Variants in ZNF648 observed in about 807,000 individuals in gnomAD.
ZNF648 encodes zinc finger protein 648.
A neutral mutation model predicts 0.3 loss-of-function variants in ZNF648; 1 was observed. The observed-to-expected ratio is 3.90, with a 90% CI of 1.39 to 18.51. The LOEUF is 18.51. Ranked by LOEUF, ZNF648 falls within the 30% of genes most tolerant of loss-of-function variation. The pLI, the probability that ZNF648 is intolerant of heterozygous loss-of-function variation, is 0.11. For synonymous variants in ZNF648, 376 were observed against 326.8 expected (o/e 1.15, Z -1.62); for missense variants, 874 against 769.7 (o/e 1.14, Z -1.60).
chr1:182,059,125 G>A (rs1329266025), intron 1 of ZNF648, among the ~76,000 whole-genome samples: 6 of 152,204 alleles, frequency 3.9e-5, no homozygotes, highest in Middle Eastern at 3.4e-3. Flanking sequence ...CCTGCCAGTC[G>A]CATTTGTTTT....
Position 182,056,337 on chromosome 1 carries a change from C to T in ZNF648, c.1674G>A (p.Lys558=). The T allele has an allele frequency of 6.2e-7, 1 of 1,613,616 alleles. No individual in the cohort carries two copies. The highest frequency in any genetic ancestry group is 8.5e-7 in the Non-Finnish European group (1 of 1,179,722). The change falls in exon 2 of 2, where the codon AAG becomes AAA. Residue 558 remains lysine (K), a synonymous_variant. Transcript: ENST00000339948. Reference sequence around the variant, plus strand: ...CAGAGGAGGAAGGGATGGGCTCCTTCTTGCAGGTGCCGTGCTTGGCTCGGT... The same window carrying T: ...CAGAGGAGGAAGGGATGGGCTCCTTTTTGCAGGTGCCGTGCTTGGCTCGGT... ...QRHRAKHGTC[K]KEPIPSSSDE
At chr1:182,066,183 G>A (rs1311274578), upstream of ZNF648, among the ~76,000 whole-genome samples, 8 of 152,224 alleles carry the variant, frequency 5.3e-5, no homozygotes, top group East Asian at 9.6e-4. Flanking sequence ...CCGCCTGTCT[G>A]GGAAGAGGAA....
chr1:182,058,622 G>C (rs1665980221), intron 1 of ZNF648, among the ~76,000 whole-genome samples: 1 of 152,152 alleles, frequency 6.6e-6, no homozygotes, highest in Non-Finnish European at 1.5e-5. Context: ...GGGAGAATGA[G>C]GGTGAGTCAG....
the ZNF648 span, among the ~76,000 whole-genome samples, chr1:182,067,063 G>A: frequency 9.9e-5 from 15 of 152,196 alleles, no homozygotes; most frequent in Admixed American, 2.6e-4. Context: ...CTTGGCACAC[G>A]TGGCAATCAG....
chr1:182,066,042 C>T (rs1261175054), upstream of ZNF648, among the ~76,000 whole-genome samples: 1 of 152,234 alleles, frequency 6.6e-6, no homozygotes, highest in Non-Finnish European at 1.5e-5. Flanking sequence ...CTGTGTCATT[C>T]TGCCCAGTTC....
At chr1:182,065,975 C>T (rs1229019889), upstream of ZNF648, among the ~76,000 whole-genome samples, 2 of 152,186 alleles carry the variant, frequency 1.3e-5, no homozygotes, top group Non-Finnish European at 2.9e-5. Context: ...AAATGGAGAG[C>T]GGAAGGCCCT....
At position 182,057,237 on chromosome 1, in the gene ZNF648, G is replaced by A. The variant is rs752733290; in HGVS notation, c.774C>T (p.Ala258=). 1.9e-5 allele frequency: 30 copies of A among 1,568,212 alleles called. No individual in the cohort carries two copies. Among genetic ancestry groups the A allele is most frequent in the South Asian group, 1.2e-4 (11 of 88,196 alleles). The change falls in exon 2 of 2, where the codon GCC becomes GCT. Residue 258 remains alanine (A), a synonymous_variant. Transcript: ENST00000339948. The part of the protein sequence containing the change: ...RPYRCLRGGR[A]FQKPSKPLSP... The stretch of plus-strand genomic sequence containing the variant: ...TCAGCGGCTTGCTGGGCTTCTGAAA[G>A]GCCCGCCCGCCCCGCAGGCACCTGT...
In ZNF648 at chr1:182,056,719, T is replaced by A. The variant is rs1227769035; in HGVS notation, c.1292A>T (p.Lys431Met). The A allele has an allele frequency of 3.1e-6, 5 of 1,591,504 alleles. No homozygotes were observed. Among genetic ancestry groups the A allele is most frequent in the Non-Finnish European group, 3.4e-6 (4 of 1,168,986 alleles). The change falls in exon 2 of 2, where the codon AAG becomes ATG. Residue 431 changes from lysine (K) to methionine (M), a missense_variant. By Grantham distance (95) the Lys-to-Met change is moderately conservative. Transcript: ENST00000339948. Reference protein sequence around the residue: ...PCPTCGKCFTKSSNLSEHQTL... With the variant: ...PCPTCGKCFTMSSNLSEHQTL... ...CTGGTGCTCGGACAGATTGGAGGAC[T>A]TGGTGAAGCACTTGCCGCAGGTGGG...
upstream of ZNF648, among the ~76,000 whole-genome samples, chr1:182,066,375 A>T (rs980270652): frequency 3.9e-5 from 6 of 152,240 alleles, no homozygotes; most frequent in Non-Finnish European, 8.8e-5. Context: ...GCCAGCTGTC[A>T]TCACAGCAAT....
Position 182,056,163 on chromosome 1 carries a change from C to CAAAA in ZNF648, c.*140_*141insTTTT. Reference sequence around the variant, plus strand: ...GCTCTCTCGGTGGTGACTTTCTGTTCAAGGGATCAAATAAATAATCAAATG... The same window carrying CAAAA: ...GCTCTCTCGGTGGTGACTTTCTGTTCAAAAAAGGGATCAAATAAATAATCAAATG... On this transcript the variant is annotated 3_prime_UTR_variant, in exon 2 of 2. Coordinates refer to ENST00000339948, the MANE Select transcript of ZNF648 (RefSeq NM_001009992.1). 1 of 1,141,664 alleles carries CAAAA rather than the reference C, an allele frequency of 8.8e-7. No individual in the cohort carries two copies. The highest frequency in any genetic ancestry group is 1.2e-6 in the Non-Finnish European group (1 of 838,702). 70.7% of individuals were successfully genotyped at this position (1,141,664 alleles called of 1,614,324 possible).
At position 182,057,751 on chromosome 1, in the gene ZNF648, G is replaced by T; in HGVS notation, c.260C>A (p.Ala87Asp). ...EEEKFSDSSS[A>D]GGMGQKPVEM... ...CACTGGTTTCTGCCCCATGCCCCCA[G>T]CACTGGAGGAGTCAGAGAATTTCTC... is the stretch of plus-strand genomic sequence containing the variant. Residue 87 changes from alanine to aspartate, a missense_variant, in exon 2 of 2, where the codon GCT (alanine) becomes GAT (aspartate). Coordinates refer to ENST00000339948, the MANE Select transcript of ZNF648 (RefSeq NM_001009992.1). 2 of 1,614,204 alleles carry T rather than the reference G, an allele frequency of 1.2e-6. No individual in the cohort carries two copies. The highest frequency in any genetic ancestry group is 1.7e-6 in the Non-Finnish European group (2 of 1,180,026).
upstream of ZNF648, chr1:182,064,072 T>C (rs1025986741): frequency 6.6e-6 from 1 of 152,202 alleles, no homozygotes; most frequent in African/African-American, 2.4e-5. Context: ...TGCCTGTTTT[T>C]GTAGCATACC....
upstream of ZNF648, chr1:182,062,905 T>C (rs994256181): frequency 2.0e-5 from 3 of 152,222 alleles, no homozygotes; most frequent in Admixed American, 6.5e-5. Flanking sequence ...CCCCTCCCTG[T>C]GTCCATGTGT....
In ZNF648 at chr1:182,057,023, T is replaced by C. The variant is rs780746481; in HGVS notation, c.988A>G (p.Thr330Ala). 4 of 1,613,452 alleles carry C rather than the reference T, an allele frequency of 2.5e-6. No individual in the cohort carries two copies. In the South Asian group the frequency reaches 3.3e-5, roughly 13 times the overall value. ...SDHRKHIRTH[T>A]GEKPYPCPDC... ...GGACACGGGTAGGGTTTCTCGCCTG[T>C]GTGGGTGCGGATGTGCTTCCGGTGG... is the stretch of plus-strand genomic sequence containing the variant. The change falls in exon 2 of 2, where the codon ACA becomes GCA. Residue 330 changes from threonine to alanine, a missense_variant. Transcript: ENST00000339948.
Position 182,056,373 on chromosome 1 carries a change from G to T in ZNF648, c.1638C>A (p.His546Gln). The T allele has an allele frequency of 6.2e-7, 1 of 1,614,188 alleles. No individual in the cohort carries two copies. The highest frequency in any genetic ancestry group is 1.3e-5 in the African/African-American group (1 of 75,056). The change falls in exon 2 of 2, where the codon CAC becomes CAA. Residue 546 changes from histidine to glutamine, a missense_variant. Transcript: ENST00000339948. ...CGTGCTTGGCTCGGTGTCGTTGGAG[G>T]TGATTGGACCTGGTGAAGGCCTGGC... ...DCGQAFTRSN[H>Q]LQRHRAKHGT...
Position 182,057,589 on chromosome 1 carries a change from A to G in ZNF648, c.422T>C (p.Leu141Pro), listed in dbSNP as rs764330795. The stretch of plus-strand genomic sequence containing the variant: ...ATCACCCGCAGGTAGTCGGTCCCCA[A>G]GAGGTTGCATCTGACCTAACAATTT... Reference protein sequence around the residue: ...AHKLLGQMQPLGDRLPAGDDG... With the variant: ...AHKLLGQMQPPGDRLPAGDDG... The change falls in exon 2 of 2, where the codon CTT becomes CCT. Residue 141 changes from leucine (L) to proline (P), a missense_variant. Coordinates refer to ENST00000339948, the MANE Select transcript of ZNF648 (RefSeq NM_001009992.1). The G allele has an allele frequency of 6.2e-7, 1 of 1,614,234 alleles. No individual in the cohort carries two copies. Among genetic ancestry groups the G allele is most frequent in the African/African-American group, 1.3e-5 (1 of 75,056 alleles).
upstream of ZNF648, chr1:182,064,800 C>T (rs1258565683): frequency 2.0e-5 from 3 of 152,192 alleles, no homozygotes; most frequent in Non-Finnish European, 4.4e-5. Context: ...CGCATCCCAA[C>T]ATGGTTGCTC....
At position 182,057,320 on chromosome 1, in the gene ZNF648, T is replaced by G; in HGVS notation, c.691A>C (p.Arg231=). 1 of 1,607,104 alleles carries G rather than the reference T, an allele frequency of 6.2e-7. No individual in the cohort carries two copies. The highest frequency in any genetic ancestry group is 8.5e-7 in the Non-Finnish European group (1 of 1,179,410). ...AAVLAKARNS[R]KVQNQAGRRE... ...CGGCCCGCCTGGTTCTGTACTTTCC[T>G]GCTGTTCCGCGCTTTTGCCAGGACC... The change falls in exon 2 of 2, where the codon AGG becomes CGG. Residue 231 remains arginine, a synonymous_variant. Transcript: ENST00000339948.
the ZNF648 span, among the ~76,000 whole-genome samples, chr1:182,069,555 G>A: frequency 1.4e-3 from 213 of 152,208 alleles, 1 homozygote; most frequent in African/African-American, 4.6e-3. Context: ...GCTGTGGCCT[G>A]GTTTTGCCTA....
Sources: gnomAD v4.1 joint callset for allele counts (sites outside exome capture counted in the v4.1 genomes callset) on GRCh38, gnomAD v4.1.1 for gene constraint, MANE v1.5 for transcripts, NCBI Gene and HGNC (gene_info 2026-07-23, HGNC 2026-07-21) for gene names.